Variants in DLGAP2 observed in about 807,000 individuals in gnomAD.
The protein encoded by DLGAP2 is disks large-associated protein 2.
Under a neutral mutation model 100.3 loss-of-function variants are expected in DLGAP2, and 26 were observed. The ratio of observed to expected loss-of-function variants is 0.26; its 90% CI spans 0.19 to 0.36. The LOEUF is 0.36. Among genes scored for constraint, DLGAP2 ranks in the 10% least tolerant of loss-of-function variants. The pLI is 1.00. For synonymous variants in DLGAP2, 886 were observed against 630.1 expected (o/e 1.41, Z -6.08); for missense variants, 1,858 against 1,453.2 (o/e 1.28, Z -4.53).
At chr8:1,440,831 G>A (rs1014718311) in intron 3 of DLGAP2, among the ~76,000 whole-genome samples, 2 of 152,194 alleles carry the variant, frequency 1.3e-5, no homozygotes, top group Admixed American at 6.5e-5. Context: ...TTATATTCCA[G>A]CAACCACGGA....
At chr8:1,631,350 C>T (rs1455276167) in intron 7 of DLGAP2, among the ~76,000 whole-genome samples, 5 of 152,152 alleles carry the variant, frequency 3.3e-5, no homozygotes, top group African/African-American at 1.2e-4. Flanking sequence ...TAGGGCCTCA[C>T]ACAGGTTCTG....
At chr8:877,943 G>A (rs1328390425) in intron 1 of DLGAP2, among the ~76,000 whole-genome samples, 1 of 152,240 alleles carries the variant, frequency 6.6e-6, no homozygotes, top group East Asian at 1.9e-4. Flanking sequence ...ATAGGAGAGA[G>A]CAGACTTGGT....
intron 3 of DLGAP2, among the ~76,000 whole-genome samples, chr8:1,313,506 C>T (rs868122365): frequency 6.6e-6 from 1 of 152,028 alleles, no homozygotes; most frequent in African/African-American, 2.4e-5. Flanking sequence ...TTTTGATAAA[C>T]CTTTGAAGAA....
At chr8:1,093,291 CT>C (rs935216459) in intron 2 of DLGAP2, among the ~76,000 whole-genome samples, 2 of 142,124 alleles carry the variant, frequency 1.4e-5, no homozygotes, top group African/African-American at 5.3e-5. Context: ...CCAGAAACAC[CT>C]TCACACTGAC....
chr8:1,200,759 C>G (rs1266324935), intron 2 of DLGAP2, among the ~76,000 whole-genome samples: 1 of 151,570 alleles, frequency 6.6e-6, no homozygotes, highest in Admixed American at 6.5e-5. Flanking sequence ...GCTGTAATAA[C>G]ACGGGTTCCT....
At chr8:1,127,240 G>A (rs1197454838) in intron 2 of DLGAP2, among the ~76,000 whole-genome samples, 1 of 151,562 alleles carries the variant, frequency 6.6e-6, no homozygotes, top group East Asian at 2.0e-4. Context: ...ACACTTTGAG[G>A]AATTGAAGAT....
intron 2 of DLGAP2, among the ~76,000 whole-genome samples, chr8:1,195,055 C>G (rs1025996285): frequency 1.3e-5 from 2 of 152,252 alleles, no homozygotes; most frequent in African/African-American, 4.8e-5. Context: ...TCAGAGGCGT[C>G]CGCCCCAGCA....
chr8:861,704 G>A (rs1047794631), intron 1 of DLGAP2, among the ~76,000 whole-genome samples: 8 of 152,336 alleles, frequency 5.3e-5, no homozygotes, highest in Non-Finnish European at 5.9e-5. Flanking sequence ...TAGCTATGGC[G>A]GTTGCAAACC....
chr8:1,534,150 A>G (rs988571893), intron 4 of DLGAP2, among the ~76,000 whole-genome samples: 1 of 152,222 alleles, frequency 6.6e-6, no homozygotes, highest in African/African-American at 2.4e-5. Flanking sequence ...GGTAAAAGAG[A>G]AAGATTGATT....
At chr8:1,442,513 C>G (rs1467641217) in intron 3 of DLGAP2, among the ~76,000 whole-genome samples, 1 of 147,318 alleles carries the variant, frequency 6.8e-6, no homozygotes, top group Non-Finnish European at 1.5e-5. Flanking sequence ...CGGGCATAGA[C>G]CCGCCAGGCT....
intron 3 of DLGAP2, among the ~76,000 whole-genome samples, chr8:1,415,942 G>A (rs1025708665): frequency 2.6e-4 from 40 of 152,144 alleles, no homozygotes; most frequent in African/African-American, 8.7e-4. Flanking sequence ...CTCCTTGAGG[G>A]GTCATTTCAT....
At chr8:1,254,934 C>T (rs1231763411) in intron 2 of DLGAP2, among the ~76,000 whole-genome samples, 5 of 134,678 alleles carry the variant, frequency 3.7e-5, no homozygotes, top group African/African-American at 1.5e-4. Flanking sequence ...TGTGTGTGCC[C>T]TCTCCTGCCC....
At position 1,565,955 on chromosome 8, in the gene DLGAP2, T is replaced by C. The variant is rs1802383604; in HGVS notation, c.1442+61T>C. The C allele has an allele frequency of 2.8e-6, 4 of 1,435,560 alleles. No homozygotes were observed. The African/African-American group carries it at 5.7e-5, about 20-fold the overall frequency. 88.9% of individuals were successfully genotyped at this position (1,435,560 alleles called of 1,614,324 possible). ...TTTCCCACTGCCTGCGAGCTCCCTC[T>C]CCAAAACCACTTCACCGTGAGCTGA... is the stretch of plus-strand genomic sequence containing the variant. On this transcript the variant is annotated intron_variant, in intron 6 of 14. Transcript: ENST00000637795.
intron 6 of DLGAP2, among the ~76,000 whole-genome samples, chr8:1,590,051 C>T (rs1329505645): frequency 1.3e-5 from 2 of 152,196 alleles, no homozygotes; most frequent in African/African-American, 4.8e-5. Flanking sequence ...GAGGATCCCT[C>T]CTTCCGCCTC....
At position 1,266,085 on chromosome 8, in the gene DLGAP2, G is replaced by A. The variant is rs542062448; in HGVS notation, c.106+7202G>A. Among the ~76,000 whole-genome samples, 60 of 152,334 alleles carry A rather than the reference G, an allele frequency of 3.9e-4. 1 individual carries two copies. In the South Asian group the frequency reaches 0.012, roughly 31 times the overall value. On this transcript the variant is annotated intron_variant, in intron 3 of 14. Transcript: ENST00000637795. Reference sequence around the variant, plus strand: ...GGGGACACCCTTGTCTGAGGACATAGAACCTCACTGAAGGGAGTGGGTGTA... The same window carrying A: ...GGGGACACCCTTGTCTGAGGACATAAAACCTCACTGAAGGGAGTGGGTGTA...
At chr8:1,120,613 C>T (rs1796014864) in intron 2 of DLGAP2, among the ~76,000 whole-genome samples, 1 of 150,084 alleles carries the variant, frequency 6.7e-6, no homozygotes. Context: ...CCCATTAGGA[C>T]CCATGACCAC....
Position 835,721 on chromosome 8 carries a change from A to G in DLGAP2, c.19-72191A>G, listed in dbSNP as rs144279988. ...TTCTCTGTGCTAGGCTGCGTCACCA[A>G]ATGTCTGAAATACTTAGTTATTAAA... On this transcript the variant is annotated intron_variant, in intron 1 of 14. Transcript: ENST00000637795. Among the ~76,000 whole-genome samples, 439 of 152,192 alleles carry G rather than the reference A, an allele frequency of 2.9e-3. 1 individual carries two copies. The highest frequency in any genetic ancestry group is 0.01 in the African/African-American group (417 of 41,514).
Position 1,702,135 on chromosome 8 carries a change from G to A in DLGAP2, c.*729G>A, listed in dbSNP as rs1033324877. Reference sequence around the variant, plus strand: ...AAAGATAAGCTGAGTGTTCCCACCAGGAAGTCACGCGCAGAGAGGAGAGTC... The same window carrying A: ...AAAGATAAGCTGAGTGTTCCCACCAAGAAGTCACGCGCAGAGAGGAGAGTC... On this transcript the variant is annotated 3_prime_UTR_variant, in exon 15 of 15. Coordinates refer to ENST00000637795, the MANE Select transcript of DLGAP2 (RefSeq NM_001346810.2). 2.6e-5 allele frequency: 4 copies of A among 152,222 alleles called. No homozygotes were observed. Among genetic ancestry groups the A allele is most frequent in the African/African-American group, 9.7e-5 (4 of 41,448 alleles). The allele number at this position is 152,222 out of a possible 1,614,324, so 9.4% of individuals were successfully genotyped here.
chr8:1,488,943 A>T (rs1348573707), intron 3 of DLGAP2, among the ~76,000 whole-genome samples: 1 of 152,150 alleles, frequency 6.6e-6, no homozygotes, highest in African/African-American at 2.4e-5. Context: ...ACCATTTCAG[A>T]TCTTTTTTCA....
Sources: gnomAD v4.1 joint callset for allele counts (sites outside exome capture counted in the v4.1 genomes callset) on GRCh38, gnomAD v4.1.1 for gene constraint, MANE v1.5 for transcripts, NCBI Gene and HGNC (gene_info 2026-07-23, HGNC 2026-07-21) for gene names.